Variants in RBPJ observed in about 807,000 individuals in gnomAD.
RBPJ encodes recombining binding protein suppressor of hairless.
Under a neutral mutation model 67.8 loss-of-function variants are expected in RBPJ, and 9 were observed. That is an observed-to-expected ratio of 0.13 (90% CI 0.08 to 0.23). The LOEUF (loss-of-function observed/expected upper bound fraction) is 0.23. Among genes scored for constraint, RBPJ ranks in the 10% least tolerant of loss-of-function variants. RBPJ has a pLI of 1.00. For synonymous variants in RBPJ, 198 were observed against 203.3 expected (o/e 0.97, Z 0.22); for missense variants, 305 against 595.6 (o/e 0.51, Z 5.08).
the RBPJ span, among the ~76,000 whole-genome samples, chr4:26,109,460 C>CTATATATATA: frequency 7.2e-3 from 105 of 14,594 alleles, no homozygotes; most frequent in South Asian, 8.9e-3. Flanking sequence ...CTCTCTCTCT[C>CTATATATATA]TATATATATA....
chr4:26,268,455 G>C (rs558064085), intron 1 of RBPJ, among the ~76,000 whole-genome samples: 3 of 152,026 alleles, frequency 2.0e-5, no homozygotes, highest in Non-Finnish European at 4.4e-5. Flanking sequence ...TCAGGCTTTG[G>C]GCTTTTTCTT....
intron 2 of RBPJ, among the ~76,000 whole-genome samples, chr4:26,391,543 T>C (rs1731503286): frequency 6.6e-6 from 1 of 152,228 alleles, no homozygotes; most frequent in Admixed American, 6.5e-5. Flanking sequence ...TGTAAAACTT[T>C]AAAGTATACA....
At chr4:26,248,163 C>A (rs927908137) in intron 1 of RBPJ, among the ~76,000 whole-genome samples, 9 of 152,006 alleles carry the variant, frequency 5.9e-5, no homozygotes, top group African/African-American at 2.2e-4. Flanking sequence ...TGGTGGCACA[C>A]ACCTGTAGTC....
chr4:26,150,751 G>A, the RBPJ span, among the ~76,000 whole-genome samples: 1 of 152,162 alleles, frequency 6.6e-6, no homozygotes, highest in Admixed American at 6.5e-5. Flanking sequence ...CACAAAGCAG[G>A]AGCACATACC....
rs1735028012 is a variant in RBPJ at position 26,420,560 on chromosome 4, A to G, written c.331A>G (p.Thr111Ala). The G allele has an allele frequency of 7.5e-6, 12 of 1,599,084 alleles. No individual in the cohort carries two copies. The highest frequency in any genetic ancestry group is 9.4e-6 in the Non-Finnish European group (11 of 1,174,294). The change falls in exon 5 of 11, where the codon ACA (threonine) becomes GCA (alanine). Residue 111 changes from threonine to alanine, a missense_variant. Physicochemically the swap from Thr to Ala is moderately conservative, Grantham distance 58. Coordinates refer to ENST00000355476, the MANE Select transcript of RBPJ (RefSeq NM_015874.6). ...QLNLEGKNYC[T>A]AKTLYISDSD... is the part of the protein sequence containing the mutation. ...TACTTTTCTTTCACAGAACTATTGC[A>G]CAGCCAAAACATTGTATATATCTGA... is the stretch of plus-strand genomic sequence containing the variant.
At chr4:26,234,398 G>T (rs1402260062) in intron 1 of RBPJ, among the ~76,000 whole-genome samples, 1 of 152,190 alleles carries the variant, frequency 6.6e-6, no homozygotes, top group Non-Finnish European at 1.5e-5. Context: ...TTTAATAGGG[G>T]ATGGAGAATA....
At chr4:26,175,905 A>C (rs147506039) in intron 1 of RBPJ, among the ~76,000 whole-genome samples, 14 of 152,250 alleles carry the variant, frequency 9.2e-5, no homozygotes, top group Admixed American at 3.3e-4. Flanking sequence ...TCTGATATGC[A>C]AGGGGCAAGG....
chr4:26,179,446 C>T (rs1298988108), intron 1 of RBPJ, among the ~76,000 whole-genome samples: 1 of 151,816 alleles, frequency 6.6e-6, no homozygotes, highest in East Asian at 1.9e-4. Context: ...CCAGAATCCC[C>T]CATGCATTCC....
chr4:26,183,639 G>C (rs566427724), intron 1 of RBPJ, among the ~76,000 whole-genome samples: 1 of 152,326 alleles, frequency 6.6e-6, no homozygotes, highest in East Asian at 1.9e-4. Context: ...AGTCTGGTTA[G>C]TGGTGGGCTA....
At chr4:26,199,121 G>A (rs1717888884) in intron 1 of RBPJ, among the ~76,000 whole-genome samples, 1 of 152,190 alleles carries the variant, frequency 6.6e-6, no homozygotes, top group African/African-American at 2.4e-5. Flanking sequence ...GAAGCCAGCT[G>A]TGGGAAGTCA....
intron 1 of RBPJ, among the ~76,000 whole-genome samples, chr4:26,349,085 T>C (rs972987158): frequency 2.6e-5 from 2 of 77,790 alleles, no homozygotes; most frequent in Non-Finnish European, 6.2e-5. Flanking sequence ...TGTGTGTGTG[T>C]GTGCGCGCGC....
chr4:26,344,615 T>C (rs1725943116), intron 1 of RBPJ, among the ~76,000 whole-genome samples: 1 of 152,218 alleles, frequency 6.6e-6, no homozygotes, highest in African/African-American at 2.4e-5. Context: ...GGAGATGTGG[T>C]AATTTTTTAA....
intron 1 of RBPJ, among the ~76,000 whole-genome samples, chr4:26,302,013 G>A (rs1384258517): frequency 6.6e-6 from 1 of 152,096 alleles, no homozygotes; most frequent in Non-Finnish European, 1.5e-5. Context: ...GGCTGGTCTC[G>A]AACTCCTGAC....
intron 1 of RBPJ, among the ~76,000 whole-genome samples, chr4:26,186,750 A>T (rs1235367882): frequency 6.6e-6 from 1 of 152,246 alleles, no homozygotes. Context: ...ATACATTTCT[A>T]ATTTACCTAA....
chr4:26,179,893 A>G (rs1716919775), intron 1 of RBPJ, among the ~76,000 whole-genome samples: 1 of 152,244 alleles, frequency 6.6e-6, no homozygotes, highest in South Asian at 2.1e-4. Flanking sequence ...TTGCAGCACT[A>G]TTCACAATAG....
chr4:26,377,129 C>T (rs566697570), intron 1 of RBPJ, among the ~76,000 whole-genome samples: 1 of 152,270 alleles, frequency 6.6e-6, no homozygotes, highest in East Asian at 1.9e-4. Context: ...TTCAGTAATC[C>T]AGCCTTGAAA....
intron 1 of RBPJ, among the ~76,000 whole-genome samples, chr4:26,227,806 A>G (rs1192557549): frequency 1.3e-5 from 2 of 152,252 alleles, no homozygotes; most frequent in Admixed American, 6.5e-5. Context: ...GTCAGATGTC[A>G]GCACGCTTGC....
At chr4:26,423,400 G>C (rs759861021) in intron 5 of RBPJ, among the ~76,000 whole-genome samples, 2 of 152,222 alleles carry the variant, frequency 1.3e-5, no homozygotes, top group Non-Finnish European at 2.9e-5. Context: ...GAGCTAAACA[G>C]ACTGATGACG....
intron 1 of RBPJ, among the ~76,000 whole-genome samples, chr4:26,191,253 AGAGG>A (rs1560204271): frequency 3.0e-4 from 40 of 131,880 alleles, no homozygotes; most frequent in African/African-American, 1.2e-3. Flanking sequence ...AGAGAGAGAG[AGAGG>A]GAGAGAGGGA....
Sources: gnomAD v4.1 joint callset for allele counts (sites outside exome capture counted in the v4.1 genomes callset) on GRCh38, gnomAD v4.1.1 for gene constraint, MANE v1.5 for transcripts, NCBI Gene and HGNC (gene_info 2026-07-23, HGNC 2026-07-21) for gene names.